The following DISC1 variants were observed in gnomAD, a reference collection of about 807,000 sequenced individuals.
The protein encoded by DISC1 is disrupted in schizophrenia 1 protein.
In DISC1, 57 loss-of-function variants were observed where a neutral mutation model predicts 84.5. That is an observed-to-expected ratio of 0.67 (90% CI 0.55 to 0.84). The LOEUF (loss-of-function observed/expected upper bound fraction) is 0.84, where lower values mean the gene tolerates loss of function less well. Ranked by LOEUF, DISC1 falls within the 40% of genes least tolerant of loss-of-function variation. The pLI, the probability that DISC1 is intolerant of heterozygous loss-of-function variation, is 0.00. For missense variants in DISC1, 1,000 were observed against 1,057.8 expected (o/e 0.95, Z 0.76); for synonymous variants, 411 against 415.2 (o/e 0.99, Z 0.12).
At chr1:231,970,048 T>C (rs959339418) in intron 10 of DISC1, among the ~76,000 whole-genome samples, 1 of 152,186 alleles carries the variant, frequency 6.6e-6, no homozygotes, top group East Asian at 1.9e-4. Flanking sequence ...TGAATAGTGC[T>C]GCAATAAACA....
intron 1 of DISC1, among the ~76,000 whole-genome samples, chr1:231,690,389 T>A (rs1572898009): frequency 6.6e-6 from 1 of 152,146 alleles, no homozygotes; most frequent in East Asian, 1.9e-4. Flanking sequence ...CATCTCTGGG[T>A]TTCACAGAGC....
chr1:231,652,853 C>T (rs138943786), intron 1 of DISC1, among the ~76,000 whole-genome samples: 1 of 152,300 alleles, frequency 6.6e-6, no homozygotes, highest in Non-Finnish European at 1.5e-5. Context: ...GATTTTGGCT[C>T]ACTGCAACCT....
intron 9 of DISC1, among the ~76,000 whole-genome samples, chr1:231,830,719 G>A (rs1294863675): frequency 6.6e-6 from 1 of 152,200 alleles, no homozygotes; most frequent in Non-Finnish European, 1.5e-5. Flanking sequence ...ATAAAAAGGA[G>A]CGTCCATACA....
At chr1:231,805,334 A>G (rs759999389) in intron 8 of DISC1, among the ~76,000 whole-genome samples, 2 of 152,186 alleles carry the variant, frequency 1.3e-5, no homozygotes, top group Non-Finnish European at 2.9e-5. Flanking sequence ...TGGGTAATTT[A>G]TAAAGAAAGG....
At chr1:231,786,944 T>G (rs1286817412) in intron 6 of DISC1, among the ~76,000 whole-genome samples, 1 of 152,184 alleles carries the variant, frequency 6.6e-6, no homozygotes, top group Non-Finnish European at 1.5e-5. Flanking sequence ...TTGGGTGGCA[T>G]GTACCTTTGG....
chr1:231,687,917 G>A (rs1217249195), intron 1 of DISC1, among the ~76,000 whole-genome samples: 2 of 151,648 alleles, frequency 1.3e-5, no homozygotes, highest in Non-Finnish European at 2.9e-5. Flanking sequence ...ATTGAAACAC[G>A]GTAAAAATGG....
chr1:231,853,800 C>A (rs1264839476), intron 9 of DISC1, among the ~76,000 whole-genome samples: 1 of 152,222 alleles, frequency 6.6e-6, no homozygotes, highest in Non-Finnish European at 1.5e-5. Flanking sequence ...CAAGATACAG[C>A]AGCTGCCTTG....
At position 232,026,525 on chromosome 1, in the gene DISC1, A is replaced by G. The variant is rs547967126; in HGVS notation, c.2398A>G (p.Ile800Val). ...CTTGGAAGATCAACTTCACACAGCA[A>G]TCCACAGTCATGATGAAGATCTCAT... ...LYLEDQLHTA[I>V]HSHDEDLIQS... is the part of the protein sequence containing the mutation. Residue 800 changes from isoleucine to valine, a missense_variant, in exon 12 of 13, where the codon ATC becomes GTC. Around this residue, in one of 3 missense-constraint regions of DISC1, gnomAD observed 397 missense variants for 377.5 expected, o/e 1.05. Coordinates refer to ENST00000439617, the MANE Select transcript of DISC1 (RefSeq NM_018662.3). The G allele has an allele frequency of 1.9e-6, 3 of 1,605,712 alleles. No individual in the cohort carries two copies. The highest frequency in any genetic ancestry group is 1.1e-5 in the South Asian group (1 of 88,994).
rs145041281 is a variant in DISC1, at chr1:232,031,301, AAGG to A, written c.2425+4752_2425+4754del. ...AAAAGAAAGAAAAGAGGAAGGAAGG[AAGG>A]AGAGAGGGAAGGAGAGAAAAGGAAA... On this transcript the variant is annotated intron_variant, in intron 12 of 12. Transcript: ENST00000439617. The surrounding 1 kb of genome is among the most constrained non-coding windows in gnomAD (Gnocchi z 4.6). 0.19 allele frequency among the ~76,000 whole-genome samples: 27,957 copies of A among 149,702 alleles called. 2,691 individuals carry two copies. The highest frequency in any genetic ancestry group is 0.21 in the Middle Eastern group (61 of 286).
chr1:231,715,416 C>A (rs1397553362), intron 3 of DISC1, among the ~76,000 whole-genome samples: 1 of 152,188 alleles, frequency 6.6e-6, no homozygotes, highest in Non-Finnish European at 1.5e-5. Flanking sequence ...ATTTCCATCC[C>A]AAAACCTGGT....
chr1:231,825,171 T>A (rs2081774786), intron 9 of DISC1, among the ~76,000 whole-genome samples: 2 of 152,230 alleles, frequency 1.3e-5, no homozygotes. Flanking sequence ...TATTGTTACA[T>A]CTTTTTTCAC....
At chr1:231,770,275 A>G (rs1483971460) in intron 5 of DISC1, among the ~76,000 whole-genome samples, 1 of 82,244 alleles carries the variant, frequency 1.2e-5, no homozygotes, top group Admixed American at 1.2e-4. Context: ...AGTTTGCTAT[A>G]TTCGTAGAAA....
At chr1:232,012,698 A>G (rs1323684931) in intron 11 of DISC1, among the ~76,000 whole-genome samples, 2 of 152,196 alleles carry the variant, frequency 1.3e-5, no homozygotes, top group Non-Finnish European at 2.9e-5. Context: ...TCCCGTGCTT[A>G]TCTGGCCAAC....
intron 2 of DISC1, among the ~76,000 whole-genome samples, chr1:231,696,673 C>T (rs1489297792): frequency 6.6e-6 from 1 of 152,054 alleles, no homozygotes; most frequent in African/African-American, 2.4e-5. Context: ...TTTGTTGTAC[C>T]CTTTCTATGT....
intron 9 of DISC1, among the ~76,000 whole-genome samples, chr1:231,834,215 A>T (rs35239884): frequency 0.31 from 47,703 of 151,808 alleles, 7,608 homozygotes; most frequent in East Asian, 0.4. Flanking sequence ...TAAGGAGGAG[A>T]GGTGATAAAA....
At chr1:231,751,978 A>T (rs1042360800) in intron 4 of DISC1, among the ~76,000 whole-genome samples, 2 of 152,164 alleles carry the variant, frequency 1.3e-5, no homozygotes, top group African/African-American at 2.4e-5. Context: ...GAATTTTAGG[A>T]TGAGGAAACC....
At chr1:231,803,148 A>G (rs2079409968) in intron 8 of DISC1, among the ~76,000 whole-genome samples, 4 of 152,124 alleles carry the variant, frequency 2.6e-5, no homozygotes, top group Admixed American at 2.6e-4. Flanking sequence ...GAGAATCCAC[A>G]CCCAAGACGG....
chr1:231,991,691 C>CT (rs924823662), intron 10 of DISC1, among the ~76,000 whole-genome samples: 13 of 151,456 alleles, frequency 8.6e-5, no homozygotes, highest in Admixed American at 3.9e-4. Flanking sequence ...AAGTATGTTA[C>CT]TTTTTTTTTA....
chr1:231,916,411 T>C (rs1227541728), intron 9 of DISC1, among the ~76,000 whole-genome samples: 1 of 152,022 alleles, frequency 6.6e-6, no homozygotes, highest in African/African-American at 2.4e-5. Context: ...TCCCAGCACT[T>C]TGGGAGGCCG....
Sources: gnomAD v4.1 joint callset for allele counts (sites outside exome capture counted in the v4.1 genomes callset) on GRCh38, gnomAD v4.1.1 for gene constraint, gnomAD v4.1.1 regional missense constraint, Gnocchi (gnomAD v3.1) non-coding constraint, MANE v1.5 for transcripts, NCBI Gene and HGNC (gene_info 2026-07-23, HGNC 2026-07-21) for gene names.